NID2: variants seen among roughly 807,000 people sequenced by gnomAD.
NID2 encodes nidogen-2.
A neutral mutation model predicts 145.4 loss-of-function variants in NID2; 83 were observed. The observed-to-expected ratio is 0.57, with a 90% CI of 0.48 to 0.69. The LOEUF (loss-of-function observed/expected upper bound fraction) is 0.69, where lower values mean the gene tolerates loss of function less well. Ranked by LOEUF, NID2 falls within the 30% of genes least tolerant of loss-of-function variation. NID2 has a pLI of 0.00. For synonymous variants in NID2, 739 were observed against 701.3 expected (o/e 1.05, Z -0.85); for missense variants, 1,807 against 1,765.7 (o/e 1.02, Z -0.42).
chr14:52,042,627 C>T (rs564543488), intron 6 of NID2, among the ~76,000 whole-genome samples, 155 bp downstream of exon 6: 10 of 152,218 alleles, frequency 6.6e-5, no homozygotes, highest in Admixed American at 6.5e-5. Flanking sequence ...CAAACCAGTT[C>T]ATTCCTCACA....
At position 52,054,140 on chromosome 14, in the gene NID2, A is replaced by G; in HGVS notation, c.949T>C (p.Tyr317His). 2 of 1,614,112 alleles carry G rather than the reference A, an allele frequency of 1.2e-6. No individual in the cohort carries two copies. Among genetic ancestry groups the G allele is most frequent in the Admixed American group, 3.3e-5 (2 of 60,028 alleles). Residue 317 changes from tyrosine to histidine, a missense_variant, in exon 4 of 22, where the codon TAC (tyrosine) becomes CAC (histidine). Transcript: ENST00000216286. ...ESDYNEDNLD[Y>H]YDVNEEEAEY... Reference sequence around the variant, plus strand: ...GCTTCCTCCTCATTCACATCATAGTAATCCAAATTGTCCTCATTATAGTCA... The same window carrying G: ...GCTTCCTCCTCATTCACATCATAGTGATCCAAATTGTCCTCATTATAGTCA...
intron 8 of NID2, among the ~76,000 whole-genome samples, 186 bp downstream of exon 8, chr14:52,040,465 G>A (rs554754607): frequency 6.6e-6 from 1 of 152,112 alleles, no homozygotes; most frequent in African/African-American, 2.4e-5. Flanking sequence ...CTTATGTATA[G>A]CAGCCATTCT....
chr14:52,053,037 G>A (rs1290856367), intron 5 of NID2, among the ~76,000 whole-genome samples: 1 of 152,200 alleles, frequency 6.6e-6, no homozygotes, highest in Non-Finnish European at 1.5e-5. Flanking sequence ...AACCAGAAAT[G>A]ACAACAGACA....
chr14:52,052,784 C>T (rs1307122924), intron 5 of NID2, among the ~76,000 whole-genome samples: 2 of 152,198 alleles, frequency 1.3e-5, no homozygotes, highest in African/African-American at 4.8e-5. Flanking sequence ...GTCAGATGAG[C>T]AGTCCCTGGA....
At chr14:52,006,778 G>T in intron 19 of NID2, 118 bp from the exon 20 acceptor site, 1 of 1,111,022 alleles carries the variant, frequency 9.0e-7, no homozygotes, top group Non-Finnish European at 1.3e-6. Context: ...TTCCATTACA[G>T]TCATAGATTA....
At chr14:52,030,552 G>GCAAGA (rs1891788281) in intron 9 of NID2, among the ~76,000 whole-genome samples, 1 of 50,606 alleles carries the variant, frequency 2.0e-5, no homozygotes, top group African/African-American at 6.8e-5. Context: ...AAGAAAGAAA[G>GCAAGA]AAAGAAAGAA....
chr14:52,020,041 TG>T lies in NID2; in HGVS notation c.2794+17del. ...AGCTAAGAGATTCATGTGCCTAATC[TG>T]GCCCTCTGAAACTTACCAGGTATGC... On this transcript the variant is annotated intron_variant, in intron 13 of 21. Coordinates refer to ENST00000216286, the MANE Select transcript of NID2 (RefSeq NM_007361.4). The T allele has an allele frequency of 1.2e-6, 2 of 1,613,308 alleles. No homozygotes were observed. The highest frequency in any genetic ancestry group is 1.7e-6 in the Non-Finnish European group (2 of 1,179,474).
intron 5 of NID2, among the ~76,000 whole-genome samples, chr14:52,052,689 A>T (rs1892716231): frequency 6.6e-6 from 1 of 152,206 alleles, no homozygotes; most frequent in African/African-American, 2.4e-5. Context: ...TTTTTGCCAC[A>T]ACAGTGACAG....
chr14:52,062,257 C>A (rs943833597), intron 2 of NID2, among the ~76,000 whole-genome samples: 6 of 152,142 alleles, frequency 3.9e-5, no homozygotes, highest in Non-Finnish European at 5.9e-5. Context: ...CCAGAAAAAA[C>A]AACATCTTGC....
chr14:52,030,501 GAGAAAGAAAGAAAGA>G (rs761716236), intron 9 of NID2, among the ~76,000 whole-genome samples: 1,834 of 34,610 alleles, frequency 0.053, 30 homozygotes, highest in African/African-American at 0.06. Context: ...AAGAAAGAAA[GAGAAAGAAAGAAAGA>G]AAAGAAAGAA....
intron 17 of NID2, 26 bp from the exon 18 acceptor site, chr14:52,011,073 G>A (rs1890998313): frequency 6.2e-7 from 1 of 1,607,592 alleles, no homozygotes; most frequent in South Asian, 1.1e-5. Context: ...AGTCAGGACT[G>A]GAGTGTTTGC....
intron 10 of NID2, among the ~76,000 whole-genome samples, chr14:52,029,171 C>T (rs1265838381): frequency 6.6e-6 from 1 of 152,000 alleles, no homozygotes; most frequent in African/African-American, 2.4e-5. Flanking sequence ...CTACCGTTGC[C>T]TTTTGGGGAT....
Position 52,005,882 on chromosome 14 carries a change from CAGTCATTTACTAGATAAAGA to C in NID2, c.4005-53_4005-34del, listed in dbSNP as rs772588392. 21 of 1,456,594 alleles carry C rather than the reference CAGTCATTTACTAGATAAAGA, an allele frequency of 1.4e-5. No homozygotes were observed. The South Asian group carries it at 2.4e-4, about 17-fold the overall frequency. The allele number at this position is 1,456,594 out of a possible 1,614,324, so 90.2% of individuals were successfully genotyped here. A position where few individuals can be genotyped will look rare whatever the true frequency, so the allele number is the denominator to read the frequency against. On this transcript the variant is annotated intron_variant, in intron 20 of 21. Transcript: ENST00000216286. ...CAGAAAGGAAGAGTGAATTCAGGGA[CAGTCATTTACTAGATAAAGA>C]AGTCAGTCAGCCACAGAAAATCAGT...
chr14:52,048,285 C>T (rs577883864), intron 5 of NID2, among the ~76,000 whole-genome samples: 2 of 152,164 alleles, frequency 1.3e-5, no homozygotes, highest in Non-Finnish European at 2.9e-5. Flanking sequence ...GCACAGCAGC[C>T]AGATAGCCCT....
At chr14:52,010,589 C>G (rs1043236389) in intron 18 of NID2, 10 of 271,666 alleles carry the variant, frequency 3.7e-5, no homozygotes, top group Non-Finnish European at 7.2e-5. Context: ...CAGAGTAGCC[C>G]TAGTTCTCAC....
At chr14:52,006,060 T>TGGATTTAGAG in intron 20 of NID2, 1 of 552,002 alleles carries the variant, frequency 1.8e-6, no homozygotes, top group East Asian at 3.1e-5. Flanking sequence ...TGATGAGCTA[T>TGGATTTAGAG]CAAATCAGAG....
rs66551436 is a variant in NID2, at chr14:52,030,567, A to AGAAAAAAAAGAGAAC, written c.2258-878_2258-877insGTTCTCTTTTTTTTC. 6.0e-5 allele frequency among the ~76,000 whole-genome samples: 6 copies of AGAAAAAAAAGAGAAC among 99,272 alleles called. 1 individual carries two copies. Among genetic ancestry groups the AGAAAAAAAAGAGAAC allele is most frequent in the African/African-American group, 2.3e-4 (6 of 25,952 alleles). 65.1% of individuals were successfully genotyped at this position (99,272 alleles called of 152,430 possible). A position where few individuals can be genotyped will look rare whatever the true frequency, so the allele number is the denominator to read the frequency against. On this transcript the variant is annotated intron_variant, in intron 9 of 21. Transcript: ENST00000216286. ...AAGAAAGAAAGAAAGAAAGAAAGAA[A>AGAAAAAAAAGAGAAC]GGAAGGAAGGGAAAGAAAGAAAGAA...
chr14:52,047,505 A>C (rs1345764521), intron 5 of NID2, among the ~76,000 whole-genome samples: 1 of 152,154 alleles, frequency 6.6e-6, no homozygotes, highest in African/African-American at 2.4e-5. Context: ...TCTGAGTGAG[A>C]TGGGAAGCAC....
intron 12 of NID2, among the ~76,000 whole-genome samples, chr14:52,026,486 A>C (rs1339455990): frequency 2.6e-5 from 4 of 152,238 alleles, no homozygotes; most frequent in African/African-American, 9.6e-5. Context: ...ACTGAGTTTC[A>C]ATCTGATCAC....
Sources: gnomAD v4.1 joint callset for allele counts (sites outside exome capture counted in the v4.1 genomes callset) on GRCh38, gnomAD v4.1.1 for gene constraint, MANE v1.5 for transcripts, NCBI Gene and HGNC (gene_info 2026-07-23, HGNC 2026-07-21) for gene names.